The following SYN2 variants were observed in gnomAD, a reference collection of about 807,000 sequenced individuals.
SYN2 encodes synapsin II, also known as synapsin-2.
In SYN2, 19 loss-of-function variants were observed where a neutral mutation model predicts 50.9. The observed-to-expected ratio is 0.37, with a 90% confidence interval of 0.26 to 0.55. The LOEUF (loss-of-function observed/expected upper bound fraction) is 0.55, where lower values mean the gene tolerates loss of function less well. Among genes scored for constraint, SYN2 ranks in the 20% least tolerant of loss-of-function variants. The pLI, the probability that SYN2 is intolerant of heterozygous loss-of-function variation, is 0.81. For synonymous variants in SYN2, 255 were observed against 224.9 expected (o/e 1.13, Z -1.20); for missense variants, 587 against 576.4 (o/e 1.02, Z -0.19).
At chr3:12,184,693 A>G in intron 11 of SYN2, 1 of 985,896 alleles carries the variant, frequency 1.0e-6, no homozygotes, top group East Asian at 1.1e-4. Flanking sequence ...GCTCTTGAGG[A>G]ATCCTCACCA....
chr3:12,183,052 A>C (rs2124832381), intron 10 of SYN2, among the ~76,000 whole-genome samples: 1 of 152,348 alleles, frequency 6.6e-6, no homozygotes, highest in Non-Finnish European at 1.5e-5. Flanking sequence ...AGGAAAATGA[A>C]AAAGGGGTTG....
At chr3:12,098,660 T>A (rs1695998142) in intron 1 of SYN2, among the ~76,000 whole-genome samples, 1 of 151,660 alleles carries the variant, frequency 6.6e-6, no homozygotes, top group South Asian at 2.1e-4. Flanking sequence ...GAATAAAAAA[T>A]TAAGATATAG....
chr3:12,072,220 A>G (rs1374977313), intron 1 of SYN2, among the ~76,000 whole-genome samples: 1 of 152,218 alleles, frequency 6.6e-6, no homozygotes, highest in Non-Finnish European at 1.5e-5. Context: ...AGTACTTTAT[A>G]TATTCTGGAT....
intron 4 of SYN2, among the ~76,000 whole-genome samples, chr3:12,148,910 C>G (rs1202346896): frequency 6.6e-6 from 1 of 152,156 alleles, no homozygotes; most frequent in East Asian, 1.9e-4. Context: ...ATTCTTTTGT[C>G]TATGTGTAGA....
chr3:12,106,199 T>A (rs1295205667), intron 1 of SYN2, among the ~76,000 whole-genome samples: 1 of 152,212 alleles, frequency 6.6e-6, no homozygotes, highest in East Asian at 1.9e-4. Flanking sequence ...TTCTTTGACA[T>A]GTGGCCTTCT....
chr3:12,050,088 A>C (rs890316023), intron 1 of SYN2, among the ~76,000 whole-genome samples: 1 of 151,768 alleles, frequency 6.6e-6, no homozygotes, highest in Non-Finnish European at 1.5e-5. Flanking sequence ...TTTAGTAAAG[A>C]CAGGGTTTCA....
chr3:12,186,101 G>A (rs1415846216), intron 11 of SYN2, among the ~76,000 whole-genome samples: 2 of 152,208 alleles, frequency 1.3e-5, no homozygotes, highest in Admixed American at 6.5e-5. Context: ...TAGACATACA[G>A]TTCTGCCTCT....
chr3:12,187,576 C>G lies in SYN2; in HGVS notation c.1577C>G (p.Ala526Gly), dbSNP rs1335818133. The G allele has an allele frequency of 2.6e-6, 4 of 1,551,730 alleles. No individual in the cohort carries two copies. The highest frequency in any genetic ancestry group is 3.5e-6 in the Non-Finnish European group (4 of 1,146,726). Residue 526 changes from alanine (A) to glycine (G), a missense_variant, in exon 12 of 13, where the codon GCT becomes GGT. Transcript: ENST00000621198. ...GCAGAGGCCCAGCCACCCCTGGCTGCTCCACCACAGAAGCCCCAGCCTCAC... is the reference window on the plus strand; with the variant it reads ...GCAGAGGCCCAGCCACCCCTGGCTGGTCCACCACAGAAGCCCCAGCCTCAC... ...SLAEAQPPLAAPPQKPQPHPQ... is the reference protein window; with the variant it reads ...SLAEAQPPLAGPPQKPQPHPQ...
chr3:12,071,346 CA>C, intron 1 of SYN2: 1 of 570,958 alleles, frequency 1.8e-6, no homozygotes. Flanking sequence ...CTCCATCGTC[CA>C]CCGCAAATGC....
chr3:12,098,336 TGA>T (rs761219477), intron 1 of SYN2, among the ~76,000 whole-genome samples: 44 of 152,046 alleles, frequency 2.9e-4, no homozygotes, highest in Admixed American at 4.6e-4. Context: ...TACAAAAAAA[TGA>T]GAGATTGTTG....
chr3:12,086,072 C>T (rs565013782), intron 1 of SYN2, among the ~76,000 whole-genome samples: 34 of 152,130 alleles, frequency 2.2e-4, no homozygotes, highest in Middle Eastern at 3.4e-3. Flanking sequence ...ATACCTGATA[C>T]CACAGAAATA....
At chr3:12,066,780 T>C (rs307591) in intron 1 of SYN2, among the ~76,000 whole-genome samples, 97,578 of 152,016 alleles carry the variant, frequency 0.64, 33,856 homozygotes, top group South Asian at 0.78. Flanking sequence ...TATAAAGAAC[T>C]ACCCAAGACT....
chr3:12,190,639 C>A lies in SYN2; in HGVS notation c.*14C>A. On this transcript the variant is annotated 3_prime_UTR_variant, in exon 13 of 13. Coordinates refer to ENST00000621198, the MANE Select transcript of SYN2 (RefSeq NM_133625.6). ...TTTTCAGATTAGCTCTTCAGACACA[C>A]GGGGCACCCAGCCCAACCGGGAAAG... The A allele has an allele frequency of 6.2e-7, 1 of 1,608,116 alleles. No individual in the cohort carries two copies. Among genetic ancestry groups the A allele is most frequent in the South Asian group, 1.1e-5 (1 of 90,380 alleles).
At chr3:12,114,037 T>C (rs1385315555) in intron 1 of SYN2, among the ~76,000 whole-genome samples, 1 of 150,750 alleles carries the variant, frequency 6.6e-6, no homozygotes, top group Non-Finnish European at 1.5e-5. Flanking sequence ...CACCGTTTTA[T>C]ATTCCCACCA....
chr3:12,012,610 G>A (rs548195810), intron 1 of SYN2, among the ~76,000 whole-genome samples: 2 of 152,236 alleles, frequency 1.3e-5, no homozygotes, highest in South Asian at 4.2e-4. Flanking sequence ...CACACATGCT[G>A]GACTTTTAAG....
chr3:12,108,139 G>A (rs922322297), intron 1 of SYN2, among the ~76,000 whole-genome samples: 3 of 152,130 alleles, frequency 2.0e-5, no homozygotes, highest in African/African-American at 7.2e-5. Context: ...GAGCCCAAGA[G>A]GTCCAGGCTG....
intron 10 of SYN2, among the ~76,000 whole-genome samples, chr3:12,170,408 T>C (rs1406299759): frequency 6.6e-6 from 1 of 152,184 alleles, no homozygotes; most frequent in African/African-American, 2.4e-5. Context: ...AAACTCAAAT[T>C]AGAAATCTTT....
At chr3:12,161,836 T>A in intron 6 of SYN2, 176 bp from the exon 7 acceptor site, 2 of 1,054,494 alleles carry the variant, frequency 1.9e-6, no homozygotes, top group Non-Finnish European at 2.7e-6. Context: ...AGTGTGGCCC[T>A]TGAGTTCTGG....
chr3:12,015,154 T>C (rs1028676646), intron 1 of SYN2, among the ~76,000 whole-genome samples: 1 of 152,224 alleles, frequency 6.6e-6, no homozygotes, highest in Non-Finnish European at 1.5e-5. Flanking sequence ...TCTTCTCCTG[T>C]GTCTTTACCT....
Sources: gnomAD v4.1 joint callset for allele counts (sites outside exome capture counted in the v4.1 genomes callset) on GRCh38, gnomAD v4.1.1 for gene constraint, MANE v1.5 for transcripts, NCBI Gene and HGNC (gene_info 2026-07-23, HGNC 2026-07-21) for gene names.